The following THSD7B variants were observed in gnomAD, a reference collection of about 807,000 sequenced individuals.
The protein encoded by THSD7B is thrombospondin type 1 domain containing 7B.
In THSD7B, 138 loss-of-function variants were observed where a neutral mutation model predicts 213.6. That is an observed-to-expected ratio of 0.65 (90% confidence interval 0.56 to 0.74). The LOEUF (loss-of-function observed/expected upper bound fraction) is 0.74, where lower values mean the gene tolerates loss of function less well. THSD7B is among the 30% of genes least tolerant of loss of function. The pLI, the probability that THSD7B is intolerant of heterozygous loss-of-function variation, is 0.00. For synonymous variants in THSD7B, 742 were observed against 687.0 expected, an observed-to-expected ratio of 1.08 and a Z score of -1.25; for missense variants, 1,931 against 1,991.5, an observed-to-expected ratio of 0.97 and a Z score of 0.58.
chr2:137,262,511 G>T (rs536397084), intron 10 of THSD7B, among the ~76,000 whole-genome samples: 1 of 151,896 alleles, frequency 6.6e-6, no homozygotes, highest in Non-Finnish European at 1.5e-5. Flanking sequence ...TTGACAAGAA[G>T]AAAAGACAAG....
At chr2:137,399,418 C>T (rs1318260802) in intron 12 of THSD7B, among the ~76,000 whole-genome samples, 1 of 152,100 alleles carries the variant, frequency 6.6e-6, no homozygotes, top group South Asian at 2.1e-4. Context: ...GTCTCGAACT[C>T]CTGACCTTGA....
intron 5 of THSD7B, among the ~76,000 whole-genome samples, chr2:137,141,494 TCACACACACA>T (rs36201207): frequency 0.5 from 74,386 of 150,074 alleles, 19,700 homozygotes; most frequent in Non-Finnish European, 0.58. Flanking sequence ...ACACACACAC[TCACACACACA>T]CACACACACA....
intron 2 of THSD7B, among the ~76,000 whole-genome samples, chr2:137,002,634 T>C (rs1220729577): frequency 2.0e-5 from 3 of 152,170 alleles, no homozygotes; most frequent in African/African-American, 7.2e-5. Flanking sequence ...CTAACACAAA[T>C]TGGATTCTTA....
chr2:137,447,819 A>G (rs1413329521), intron 14 of THSD7B, among the ~76,000 whole-genome samples: 1 of 152,190 alleles, frequency 6.6e-6, no homozygotes, highest in Non-Finnish European at 1.5e-5. Context: ...AAGAGAATCA[A>G]GGAAACAAGG....
chr2:137,441,665 A>G (rs1687414913), intron 14 of THSD7B, among the ~76,000 whole-genome samples: 1 of 152,080 alleles, frequency 6.6e-6, no homozygotes, highest in African/African-American at 2.4e-5. Context: ...AGAGATATTG[A>G]GTATCTGGCC....
chr2:137,461,390 T>C (rs1687881460), intron 15 of THSD7B, among the ~76,000 whole-genome samples: 1 of 152,056 alleles, frequency 6.6e-6, no homozygotes, highest in Middle Eastern at 3.4e-3. Flanking sequence ...CCCTGAAAAA[T>C]AAAAGCCATG....
chr2:137,366,608 G>A (rs1685413875), intron 12 of THSD7B, among the ~76,000 whole-genome samples: 1 of 151,178 alleles, frequency 6.6e-6, no homozygotes, highest in South Asian at 2.1e-4. Context: ...TTCAAAAGAT[G>A]CTATTGACAT....
At chr2:136,803,934 G>T (rs1682234715) in intron 1 of THSD7B, among the ~76,000 whole-genome samples, 1 of 152,170 alleles carries the variant, frequency 6.6e-6, no homozygotes. Flanking sequence ...GCCCTCAATG[G>T]ACTGGACGAG....
At chr2:137,397,515 G>C (rs1686224532) in intron 12 of THSD7B, among the ~76,000 whole-genome samples, 1 of 151,490 alleles carries the variant, frequency 6.6e-6, no homozygotes, top group Non-Finnish European at 1.5e-5. Flanking sequence ...TGGCTTGTAG[G>C]GTTTCTGCCA....
chr2:137,566,736 A>C (rs1012613317), intron 16 of THSD7B, among the ~76,000 whole-genome samples: 4 of 152,218 alleles, frequency 2.6e-5, no homozygotes, highest in East Asian at 1.9e-4. Context: ...GGTCTGATGT[A>C]ATATAATAGC....
intron 10 of THSD7B, among the ~76,000 whole-genome samples, chr2:137,248,936 A>T (rs1682104900): frequency 6.6e-6 from 1 of 152,148 alleles, no homozygotes; most frequent in South Asian, 2.1e-4. Context: ...ATGTCTCCAG[A>T]CCCAGCTCTG....
intron 7 of THSD7B, among the ~76,000 whole-genome samples, chr2:137,172,763 G>T (rs1680280543): frequency 6.6e-6 from 1 of 152,194 alleles, no homozygotes; most frequent in African/African-American, 2.4e-5. Flanking sequence ...ACGGGCATCT[G>T]AAGTGAGCGG....
rs571915068 is a variant in THSD7B, at chr2:137,166,759, G to C, written c.1526-3982G>C. Among the ~76,000 whole-genome samples, 6 of 152,320 alleles carry C rather than the reference G, an allele frequency of 3.9e-5. No homozygotes were observed. The South Asian group carries it at 1.2e-3, about 32-fold the overall frequency. Reference sequence around the variant, plus strand: ...TTCCATTTTCCATCCTTGTCTGCTAGATAGGCTTTCCCTTGAATGAGAAGT... The same window carrying C: ...TTCCATTTTCCATCCTTGTCTGCTACATAGGCTTTCCCTTGAATGAGAAGT... On this transcript the variant is annotated intron_variant, in intron 6 of 27. Coordinates refer to ENST00000409968, the MANE Select transcript of THSD7B (RefSeq NM_001316349.2).
At chr2:137,109,093 T>C (rs1160934619) in intron 4 of THSD7B, among the ~76,000 whole-genome samples, 1 of 152,208 alleles carries the variant, frequency 6.6e-6, no homozygotes, top group East Asian at 1.9e-4. Context: ...CTCTTTGCCC[T>C]ACATTCACTA....
At chr2:137,413,994 G>A (rs1686732862) in intron 14 of THSD7B, among the ~76,000 whole-genome samples, 1 of 152,146 alleles carries the variant, frequency 6.6e-6, no homozygotes, top group Non-Finnish European at 1.5e-5. Context: ...CCAAATGCAA[G>A]TCGTCTTTTC....
chr2:136,896,958 T>A (rs917481421), intron 2 of THSD7B, among the ~76,000 whole-genome samples: 19 of 150,364 alleles, frequency 1.3e-4, no homozygotes, highest in Admixed American at 3.3e-4. Flanking sequence ...ATATATATAT[T>A]TTTTTAAGAC....
At chr2:137,061,456 A>G (rs1405621441) in intron 3 of THSD7B, among the ~76,000 whole-genome samples, 1 of 149,338 alleles carries the variant, frequency 6.7e-6, no homozygotes, top group East Asian at 1.9e-4. Flanking sequence ...AAAGAAATCT[A>G]TGCTGTCACC....
At chr2:136,773,451 C>A (rs541166201) in intron 1 of THSD7B, among the ~76,000 whole-genome samples, 3 of 151,834 alleles carry the variant, frequency 2.0e-5, no homozygotes, top group Non-Finnish European at 4.4e-5. Context: ...TTTTTAGTAG[C>A]CACATTAAAG....
At position 136,944,843 on chromosome 2, in the gene THSD7B, A is replaced by G. The variant is rs532676236; in HGVS notation, c.139+62526A>G. ...CTGATGGGTCTTGACTCTTTATCCA[A>G]TTTGCCAGTCTGTGTCTTTTAATTG... On this transcript the variant is annotated intron_variant, in intron 2 of 27. Coordinates refer to ENST00000409968, the MANE Select transcript of THSD7B (RefSeq NM_001316349.2). Among the ~76,000 whole-genome samples, 7 of 151,542 alleles carry G rather than the reference A, an allele frequency of 4.6e-5. No individual in the cohort carries two copies. The East Asian group carries it at 1.2e-3, about 25-fold the overall frequency.
Sources: allele counts gnomAD v4.1 joint callset (sites outside exome capture counted in the v4.1 genomes callset), GRCh38; gene constraint gnomAD v4.1.1; transcripts MANE v1.5; gene names NCBI Gene and HGNC (gene_info 2026-07-23, HGNC 2026-07-21).